IGF2BP1: variants seen among roughly 807,000 people sequenced by gnomAD.
The protein encoded by IGF2BP1 is insulin like growth factor 2 mRNA binding protein 1.
IGF2BP1 carries 11 observed loss-of-function variants against 74.9 expected under a neutral mutation model. The ratio of observed to expected loss-of-function variants is 0.15; its 90% confidence interval spans 0.09 to 0.24. The LOEUF is 0.24. Ranked by LOEUF, IGF2BP1 falls within the 10% of genes least tolerant of loss-of-function variation. The pLI is 1.00. For missense variants in IGF2BP1, 440 were observed against 757.4 expected, an observed-to-expected ratio of 0.58 and a Z score of 4.92; for synonymous variants, 287 against 281.8, an observed-to-expected ratio of 1.02 and a Z score of -0.18.
chr17:49,024,068 C>T (rs1403871487), intron 2 of IGF2BP1, among the ~76,000 whole-genome samples: 1 of 149,914 alleles, frequency 6.7e-6, no homozygotes, highest in Non-Finnish European at 1.5e-5. Flanking sequence ...AGGCACGTGC[C>T]ACCACACCCT....
chr17:49,048,545 G>A (rs760192153), intron 14 of IGF2BP1, among the ~76,000 whole-genome samples: 2 of 152,122 alleles, frequency 1.3e-5, no homozygotes, highest in Non-Finnish European at 2.9e-5. Context: ...GAGCCACCGT[G>A]CACCTGGCCA....
At chr17:49,008,563 C>G (rs1257093258) in intron 2 of IGF2BP1, among the ~76,000 whole-genome samples, 1 of 152,032 alleles carries the variant, frequency 6.6e-6, no homozygotes, top group African/African-American at 2.4e-5. Flanking sequence ...AATCTTTGTT[C>G]CACTCTTCTA....
chr17:49,011,137 CAAAAAAAAAAA>C (rs61620827), intron 2 of IGF2BP1, among the ~76,000 whole-genome samples: 33 of 57,310 alleles, frequency 5.8e-4, no homozygotes, highest in East Asian at 4.5e-3. Context: ...GACTCTGTCT[CAAAAAAAAAAA>C]AAAAAAAAAA....
At chr17:49,000,993 T>TC (rs11455354) in intron 2 of IGF2BP1, among the ~76,000 whole-genome samples, 89,108 of 151,546 alleles carry the variant, frequency 0.59, 27,626 homozygotes, top group African/African-American at 0.77. Flanking sequence ...TTATGTGTTC[T>TC]CCCCTTCCTG....
chr17:49,014,959 A>G (rs955423763), intron 2 of IGF2BP1: 10 of 984,110 alleles, frequency 1.0e-5, no homozygotes, highest in African/African-American at 1.8e-5. Context: ...TTTTCAAGGT[A>G]CCTCTCATGA....
At chr17:49,040,444 T>C (rs966368352) in intron 7 of IGF2BP1, among the ~76,000 whole-genome samples, 6 of 152,202 alleles carry the variant, frequency 3.9e-5, no homozygotes, top group African/African-American at 1.4e-4. Flanking sequence ...CTTGAACTCC[T>C]GGACTCAAGT....
chr17:49,008,649 C>G (rs182899272), intron 2 of IGF2BP1, among the ~76,000 whole-genome samples: 1 of 152,334 alleles, frequency 6.6e-6, no homozygotes, highest in Admixed American at 6.5e-5. Flanking sequence ...TGCTGTCTGT[C>G]TAGGCCCAAA....
chr17:49,018,771 A>G (rs2041740117), intron 2 of IGF2BP1, among the ~76,000 whole-genome samples: 1 of 152,116 alleles, frequency 6.6e-6, no homozygotes, highest in South Asian at 2.1e-4. Flanking sequence ...GTCTGGGGAC[A>G]CAGGACCCTC....
Position 49,051,286 on chromosome 17 carries a change from C to G in IGF2BP1, c.*1842C>G, listed in dbSNP as rs1305301414. On this transcript the variant is annotated 3_prime_UTR_variant, in exon 15 of 15. Coordinates refer to ENST00000290341, the MANE Select transcript of IGF2BP1 (RefSeq NM_006546.4). ...ACAAGAAAGTTATGTTTCATAATTT[C>G]TTACAACATGAGCCAGTAACCCTTT... 1 of 152,530 alleles carries G rather than the reference C, an allele frequency of 6.6e-6. No homozygotes were observed. The highest frequency in any genetic ancestry group is 2.4e-5 in the African/African-American group (1 of 41,426). The allele number at this position is 152,530 out of a possible 1,614,324, so 9.4% of individuals were successfully genotyped here. A position where few individuals can be genotyped will look rare whatever the true frequency, so the allele number is the denominator to read the frequency against.
In IGF2BP1 at chr17:49,049,778, C is replaced by T. The variant is rs1231843688; in HGVS notation, c.*334C>T. On this transcript the variant is annotated 3_prime_UTR_variant, in exon 15 of 15. Transcript: ENST00000290341. Reference sequence around the variant, plus strand: ...GTGGGAAGAAAAATAAAATTTCCTTCAGGTTTTAAAAACATGCAGAGAGGT... The same window carrying T: ...GTGGGAAGAAAAATAAAATTTCCTTTAGGTTTTAAAAACATGCAGAGAGGT... 25 of 208,526 alleles carry T rather than the reference C, an allele frequency of 1.2e-4. No homozygotes were observed. The allele number at this position is 208,526 out of a possible 1,614,324, so 12.9% of individuals were successfully genotyped here.
Position 49,043,949 on chromosome 17 carries a change from C to A in IGF2BP1, c.1201-18C>A, listed in dbSNP as rs375596852. 1 of 1,612,010 alleles carries A rather than the reference C, an allele frequency of 6.2e-7. No individual in the cohort carries two copies. Among genetic ancestry groups the A allele is most frequent in the Non-Finnish European group, 8.5e-7 (1 of 1,179,246 alleles). On this transcript the variant is annotated intron_variant, in intron 10 of 14. Transcript: ENST00000290341. ...TGCTACTTGGGCCCCCTGGTAACAACGCCTCCTATCCTGGCAGCAGGCTCC... is the reference window on the plus strand; with the variant it reads ...TGCTACTTGGGCCCCCTGGTAACAAAGCCTCCTATCCTGGCAGCAGGCTCC...
At chr17:49,016,332 C>T (rs2041701264) in intron 2 of IGF2BP1, among the ~76,000 whole-genome samples, 2 of 152,238 alleles carry the variant, frequency 1.3e-5, no homozygotes, top group South Asian at 2.1e-4. Context: ...CCTTTCCTTT[C>T]TGCCTCAATG....
chr17:49,003,509 G>T (rs1224671102), intron 2 of IGF2BP1, among the ~76,000 whole-genome samples: 1 of 152,150 alleles, frequency 6.6e-6, no homozygotes, highest in African/African-American at 2.4e-5. Context: ...TGTGTGTGGG[G>T]TGGTAGTGGT....
chr17:49,045,166 C>A, intron 12 of IGF2BP1, 101 bp downstream of exon 12: 1 of 912,592 alleles, frequency 1.1e-6, no homozygotes, highest in African/African-American at 1.6e-5. Context: ...CGTTAGCTGT[C>A]AAGTCCTCAT....
In IGF2BP1 at chr17:49,045,115, G is replaced by A. The variant is rs772267719; in HGVS notation, c.1395+50G>A. On this transcript the variant is annotated intron_variant, in intron 12 of 14. Coordinates refer to ENST00000290341, the MANE Select transcript of IGF2BP1 (RefSeq NM_006546.4). ...GCTGAACATGGAGGAATTGAGGTTG[G>A]GTATTTCCCCTGAGGTAGGAAAAAG... 9.1e-6 allele frequency: 14 copies of A among 1,533,614 alleles called. No individual in the cohort carries two copies. In the South Asian group the frequency reaches 1.6e-4, roughly 17 times the overall value.
At chr17:49,039,936 C>G (rs774436538) in intron 6 of IGF2BP1, 21 bp from the exon 7 acceptor site, 9 of 1,611,348 alleles carry the variant, frequency 5.6e-6, no homozygotes, top group African/African-American at 4.0e-5. Context: ...AACTAACCAG[C>G]CTTGTCCTTG....
At chr17:48,999,300 T>A (rs1406325672) in intron 2 of IGF2BP1, 131 bp downstream of exon 2, 1 of 632,118 alleles carries the variant, frequency 1.6e-6, no homozygotes, top group Non-Finnish European at 2.8e-6. Flanking sequence ...ACTCCGGATG[T>A]TGGGGGCAGG....
intron 8 of IGF2BP1, 34 bp from the exon 9 acceptor site, chr17:49,042,208 C>T (rs2042059978): frequency 6.2e-7 from 1 of 1,613,786 alleles, no homozygotes; most frequent in Non-Finnish European, 8.5e-7. Context: ...CCTGGCCTGC[C>T]AGTGAAAGGA....
At chr17:49,028,730 A>G (rs2041885146) in intron 4 of IGF2BP1, among the ~76,000 whole-genome samples, 1 of 152,192 alleles carries the variant, frequency 6.6e-6, no homozygotes, top group African/African-American at 2.4e-5. Flanking sequence ...ACAGTAGAGA[A>G]AGTCCTTGAG....
Sources: allele counts gnomAD v4.1 joint callset (sites outside exome capture counted in the v4.1 genomes callset), GRCh38; gene constraint gnomAD v4.1.1; transcripts MANE v1.5; gene names NCBI Gene and HGNC (gene_info 2026-07-23, HGNC 2026-07-21).